CALN1: variants seen among roughly 807,000 people sequenced by gnomAD.
The protein encoded by CALN1 is calcium-binding protein 8.
In CALN1, 17 loss-of-function variants were observed where a neutral mutation model predicts 30.6. The ratio of observed to expected loss-of-function variants is 0.56; its 90% CI spans 0.38 to 0.83. CALN1 has a LOEUF of 0.83. Ranked by LOEUF, CALN1 falls within the 40% of genes least tolerant of loss-of-function variation. The pLI is 0.00. For missense variants in CALN1, 291 were observed against 354.9 expected, an observed-to-expected ratio of 0.82 and a Z score of 1.45; for synonymous variants, 156 against 131.4, an observed-to-expected ratio of 1.19 and a Z score of -1.28.
upstream of CALN1, among the ~76,000 whole-genome samples, chr7:72,451,238 G>GAA (rs1328509119): frequency 2.4e-4 from 30 of 126,088 alleles, no homozygotes; most frequent in African/African-American, 9.8e-4. Flanking sequence ...AGGAGGAGAA[G>GAA]GAGGAAGAGG....
chr7:71,934,193 T>C (rs1795710153), intron 5 of CALN1, among the ~76,000 whole-genome samples: 2 of 152,202 alleles, frequency 1.3e-5, no homozygotes, highest in African/African-American at 4.8e-5. Context: ...CCTCAAAAGA[T>C]TGTGAATTCT....
chr7:72,499,845 CTTTCTTTCTTTCTT>C, the CALN1 span, among the ~76,000 whole-genome samples: 1 of 28,034 alleles, frequency 3.6e-5, no homozygotes, highest in Admixed American at 4.0e-4. Context: ...TTCTTTCTTT[CTTTCTTTCTTTCTT>C]TCTTTCTTTC....
At chr7:72,331,804 G>A (rs1268062411) in intron 2 of CALN1, among the ~76,000 whole-genome samples, 4 of 152,026 alleles carry the variant, frequency 2.6e-5, no homozygotes, top group African/African-American at 4.8e-5. Flanking sequence ...CATCACCCAG[G>A]TATTAAGCCC....
chr7:72,243,471 C>G (rs550656287), intron 3 of CALN1, among the ~76,000 whole-genome samples: 3 of 152,274 alleles, frequency 2.0e-5, no homozygotes, highest in East Asian at 1.9e-4. Flanking sequence ...AATCAGTGAG[C>G]TTCTTTCGGT....
intron 6 of CALN1, among the ~76,000 whole-genome samples, chr7:71,789,584 T>A (rs547508943): frequency 2.6e-5 from 4 of 151,974 alleles, no homozygotes; most frequent in African/African-American, 9.6e-5. Flanking sequence ...AATGTGAAGA[T>A]AGGGGGGCAC....
At chr7:71,896,419 A>G (rs1433695843) in intron 5 of CALN1, among the ~76,000 whole-genome samples, 1 of 152,218 alleles carries the variant, frequency 6.6e-6, no homozygotes, top group Non-Finnish European at 1.5e-5. Flanking sequence ...TAGGTTTCCC[A>G]AAAAATAGCT....
intron 2 of CALN1, among the ~76,000 whole-genome samples, chr7:72,328,932 G>A (rs187218910): frequency 2.0e-5 from 3 of 152,332 alleles, no homozygotes; most frequent in East Asian, 3.9e-4. Flanking sequence ...CCTGACCTCA[G>A]CTGATCCAAC....
intron 1 of CALN1, among the ~76,000 whole-genome samples, chr7:72,439,622 G>A (rs112832636): frequency 4.9e-4 from 73 of 150,478 alleles, no homozygotes; most frequent in African/African-American, 1.8e-3. Flanking sequence ...TTGTCGCCCG[G>A]GCTGGAGTGC....
intron 2 of CALN1, among the ~76,000 whole-genome samples, chr7:72,295,165 T>G (rs1798764852): frequency 6.6e-6 from 1 of 152,136 alleles, no homozygotes; most frequent in Non-Finnish European, 1.5e-5. Context: ...GAAATAAAAT[T>G]TTTTTAAAAT....
At chr7:72,474,367 G>A in the CALN1 span, among the ~76,000 whole-genome samples, 1 of 152,148 alleles carries the variant, frequency 6.6e-6, no homozygotes, top group South Asian at 2.1e-4. Flanking sequence ...ATGTCACTAA[G>A]AGATGGACCT....
the CALN1 span, among the ~76,000 whole-genome samples, chr7:72,494,708 A>T: frequency 6.7e-6 from 1 of 149,744 alleles, no homozygotes; most frequent in East Asian, 1.9e-4. Context: ...AAAAAAAAAA[A>T]TTATTTTAAT....
At chr7:72,218,344 A>C (rs1182753676) in intron 3 of CALN1, among the ~76,000 whole-genome samples, 1 of 152,048 alleles carries the variant, frequency 6.6e-6, no homozygotes, top group Non-Finnish European at 1.5e-5. Flanking sequence ...GCTACTCAGG[A>C]AGCTAAGGCA....
chr7:72,217,921 C>T (rs1301986333), intron 3 of CALN1, among the ~76,000 whole-genome samples: 2 of 137,244 alleles, frequency 1.5e-5, no homozygotes, highest in African/African-American at 2.8e-5. Flanking sequence ...CGGCTCACTG[C>T]AAGCTCCACC....
intron 3 of CALN1, among the ~76,000 whole-genome samples, chr7:72,185,209 G>A (rs1036280511): frequency 1.3e-5 from 2 of 152,038 alleles, no homozygotes; most frequent in African/African-American, 4.8e-5. Context: ...TCCAAGCGTA[G>A]AAAATGTACA....
intron 6 of CALN1, among the ~76,000 whole-genome samples, chr7:71,810,006 C>T (rs979593546): frequency 1.6e-4 from 25 of 152,202 alleles, no homozygotes; most frequent in African/African-American, 5.5e-4. Context: ...AAAATAGGCT[C>T]TTTGCACCGC....
chr7:71,997,398 A>G (rs1045125154), intron 5 of CALN1, among the ~76,000 whole-genome samples: 1 of 152,224 alleles, frequency 6.6e-6, no homozygotes, highest in Non-Finnish European at 1.5e-5. Context: ...TGAACACCAG[A>G]AAGAAAATAG....
intron 3 of CALN1, among the ~76,000 whole-genome samples, chr7:72,227,327 G>C (rs796370127): frequency 1.2e-4 from 18 of 151,720 alleles, no homozygotes; most frequent in African/African-American, 4.4e-4. Flanking sequence ...ATAACTAAAG[G>C]TCAGGAGTTC....
chr7:72,150,340 T>C (rs993545532), intron 3 of CALN1, among the ~76,000 whole-genome samples: 8 of 152,136 alleles, frequency 5.3e-5, no homozygotes, highest in African/African-American at 1.7e-4. Flanking sequence ...GTGCCTGGGA[T>C]AGAGGATTGA....
chr7:71,870,201 G>A (rs565677654), intron 5 of CALN1, among the ~76,000 whole-genome samples: 1 of 152,246 alleles, frequency 6.6e-6, no homozygotes, highest in African/African-American at 2.4e-5. Context: ...TGGCCAACAC[G>A]GTGAAACCCC....
Sources: gnomAD v4.1 joint callset for allele counts (sites outside exome capture counted in the v4.1 genomes callset) on GRCh38, gnomAD v4.1.1 for gene constraint, MANE v1.5 for transcripts, NCBI Gene and HGNC (gene_info 2026-07-23, HGNC 2026-07-21) for gene names.